SETD2: variants seen among roughly 807,000 people sequenced by gnomAD.
The protein encoded by SETD2 is histone-lysine N-methyltransferase SETD2.
In SETD2, 31 loss-of-function variants were observed where a neutral mutation model predicts 242.1. The ratio of observed to expected loss-of-function variants is 0.13; its 90% CI spans 0.10 to 0.17. The LOEUF (loss-of-function observed/expected upper bound fraction) is 0.17, where lower values mean the gene tolerates loss of function less well. SETD2 is among the 10% of genes least tolerant of loss of function. The pLI, the probability that SETD2 is intolerant of heterozygous loss-of-function variation, is 1.00. For missense variants in SETD2, 2,481 were observed against 3,046.3 expected (o/e 0.81, Z 4.37); for synonymous variants, 1,006 against 1,066.5 (o/e 0.94, Z 1.11).
Position 47,046,547 on chromosome 3 carries a change from T to C in SETD2, c.7038A>G (p.Val2346=), listed in dbSNP as rs2107549415. 6.2e-7 allele frequency: 1 copy of C among 1,613,386 alleles called. No homozygotes were observed. Among genetic ancestry groups the C allele is most frequent in the Non-Finnish European group, 8.5e-7 (1 of 1,179,580 alleles). The change falls in exon 16 of 21, where the codon GTA becomes GTG. Residue 2346 remains valine (V), a synonymous_variant. Transcript: ENST00000409792. ...IFTAHPQGVV[V]QPAAAVTTIV... ...TTGTAGTCACTGCTGCGGCTGGCTG[T>C]ACCACCACTCCTTGTGGATGAGCTG...
chr3:47,059,446 G>A (rs2040240752), intron 14 of SETD2, among the ~76,000 whole-genome samples: 1 of 147,576 alleles, frequency 6.8e-6, no homozygotes, highest in Admixed American at 6.8e-5. Context: ...TTGAGACGGA[G>A]TCTTGCTCTG....
Position 47,122,096 on chromosome 3 carries a change from A to G in SETD2, c.2540T>C (p.Phe847Ser), listed in dbSNP as rs758169057. Residue 847 changes from phenylalanine to serine, a missense_variant, in exon 3 of 21, where the codon TTT (phenylalanine) becomes TCT (serine). Coordinates refer to ENST00000409792, the MANE Select transcript of SETD2 (RefSeq NM_014159.7). ...GCTCTGCTTATATTCTTCACATGCA[A>G]ATTTTGAGTGATCTGTCAAATTTCT... ...DSRNLTDHSK[F>S]ACEEYKQSIG... The G allele has an allele frequency of 1.4e-5, 23 of 1,613,844 alleles. No homozygotes were observed. The highest frequency in any genetic ancestry group is 1.8e-5 in the Non-Finnish European group (21 of 1,180,004).
intron 15 of SETD2, among the ~76,000 whole-genome samples, chr3:47,054,044 A>G (rs545705285): frequency 7.4e-4 from 113 of 152,314 alleles, no homozygotes; most frequent in Non-Finnish European, 1.4e-3. Context: ...CAAAACACAT[A>G]CTAACAATAT....
intron 12 of SETD2, among the ~76,000 whole-genome samples, chr3:47,074,252 C>A (rs2040953868): frequency 6.6e-6 from 1 of 152,046 alleles, no homozygotes; most frequent in Non-Finnish European, 1.5e-5. Flanking sequence ...GCATAATATG[C>A]ATAAATTATC....
At chr3:47,102,298 AC>A (rs2042244686) in intron 7 of SETD2, among the ~76,000 whole-genome samples, 1 of 152,218 alleles carries the variant, frequency 6.6e-6, no homozygotes, top group Non-Finnish European at 1.5e-5. Flanking sequence ...CAGAACTATA[AC>A]CAAAACCTAG....
At chr3:47,145,576 C>T in intron 1 of SETD2, 1 of 395,456 alleles carries the variant, frequency 2.5e-6, no homozygotes, top group Non-Finnish European at 5.2e-6. Flanking sequence ...TGACTGCAGC[C>T]CCTCACATCA....
chr3:47,086,934 G>A (rs992683445), intron 10 of SETD2, among the ~76,000 whole-genome samples: 5 of 151,604 alleles, frequency 3.3e-5, no homozygotes, highest in Admixed American at 3.3e-4. Flanking sequence ...TAGATACTCA[G>A]GCAACTGAGG....
At position 47,062,140 on chromosome 3, in the gene SETD2, AAAAACTCACAC is replaced by A; in HGVS notation, c.6293+12_6293+22del. On this transcript the variant is annotated intron_variant, in intron 14 of 20. Transcript: ENST00000409792. ...TTGCTCAAAACAAAAACAAAAACAA[AAAAACTCACAC>A]AGGCCACTTACCTGTCATCTGGCCT... The A allele has an allele frequency of 6.3e-7, 1 of 1,597,280 alleles. No homozygotes were observed. Among genetic ancestry groups the A allele is most frequent in the Non-Finnish European group, 8.5e-7 (1 of 1,175,218 alleles).
At chr3:47,127,558 T>C (rs2043367835) in intron 1 of SETD2, 1 of 452,656 alleles carries the variant, frequency 2.2e-6, no homozygotes, top group South Asian at 1.6e-5. Context: ...CAAAACCTCA[T>C]CTCTCTTAAA....
chr3:47,042,726 G>T (rs1366049386), intron 16 of SETD2, 26 bp from the exon 17 acceptor site: 8 of 1,573,340 alleles, frequency 5.1e-6, no homozygotes, highest in South Asian at 2.4e-5. Flanking sequence ...ACACATTTTT[G>T]ATCAGTGATC....
At chr3:47,107,148 T>C (rs2042458881) in intron 5 of SETD2, among the ~76,000 whole-genome samples, 1 of 152,216 alleles carries the variant, frequency 6.6e-6, no homozygotes, top group Non-Finnish European at 1.5e-5. Flanking sequence ...ATTAGTTCTA[T>C]GTAGACAAAT....
intron 9 of SETD2, 48 bp from the exon 10 acceptor site, chr3:47,088,295 A>C (rs1033200853): frequency 6.4e-6 from 10 of 1,560,358 alleles, no homozygotes; most frequent in Middle Eastern, 3.4e-4. Context: ...CAACAACAAA[A>C]AAAAAAACCA....
chr3:47,150,217 T>C (rs2043954126), intron 1 of SETD2, among the ~76,000 whole-genome samples: 1 of 151,686 alleles, frequency 6.6e-6, no homozygotes, highest in South Asian at 2.1e-4. Flanking sequence ...TCTTTTGTAT[T>C]TTAGTAGAGA....
At chr3:47,055,400 T>C (rs1056863725) in intron 15 of SETD2, among the ~76,000 whole-genome samples, 5 of 152,292 alleles carry the variant, frequency 3.3e-5, no homozygotes, top group Non-Finnish European at 5.9e-5. Context: ...AACATTTTTT[T>C]TTCAAAGCTT....
chr3:47,049,345 A>ATATG lies in SETD2; in HGVS notation c.6964-2728_6964-2725dup, dbSNP rs1553682176. On this transcript the variant is annotated intron_variant, in intron 15 of 20. Coordinates refer to ENST00000409792, the MANE Select transcript of SETD2 (RefSeq NM_014159.7). ...TATATATATATATATATATATATAT[A>ATATG]TATGTATTCTTATATATATAAACTT... Among the ~76,000 whole-genome samples, 444 of 110,920 alleles carry ATATG rather than the reference A, an allele frequency of 4.0e-3. 2 individuals are homozygous for ATATG. The highest frequency in any genetic ancestry group is 6.0e-3 in the Non-Finnish European group (327 of 54,528). The allele number at this position is 110,920 out of a possible 152,430, so 72.8% of individuals were successfully genotyped here.
intron 1 of SETD2, among the ~76,000 whole-genome samples, chr3:47,129,982 T>G (rs1442882339): frequency 6.6e-6 from 1 of 152,040 alleles, no homozygotes; most frequent in African/African-American, 2.4e-5. Context: ...CAAAGAAAAT[T>G]CAAGCGTTAG....
chr3:47,116,586 A>G (rs767059568), intron 4 of SETD2, 37 bp downstream of exon 4: 3 of 1,577,018 alleles, frequency 1.9e-6, no homozygotes, highest in East Asian at 4.5e-5. Flanking sequence ...ATTTAATAGA[A>G]GTGTTGAGCA....
intron 1 of SETD2, among the ~76,000 whole-genome samples, chr3:47,137,564 C>T (rs1358196397): frequency 6.6e-6 from 1 of 152,056 alleles, no homozygotes; most frequent in African/African-American, 2.4e-5. Flanking sequence ...TGCCCATTTC[C>T]TCCCACTAGC....
chr3:47,065,691 T>C (rs1477895765), intron 13 of SETD2, among the ~76,000 whole-genome samples: 1 of 152,134 alleles, frequency 6.6e-6, no homozygotes, highest in African/African-American at 2.4e-5. Context: ...TAGTCTCAGC[T>C]ACTCAAGAGG....
Sources: gnomAD v4.1 joint callset for allele counts (sites outside exome capture counted in the v4.1 genomes callset) on GRCh38, gnomAD v4.1.1 for gene constraint, MANE v1.5 for transcripts, NCBI Gene and HGNC (gene_info 2026-07-23, HGNC 2026-07-21) for gene names.